LOXL4: variants seen among roughly 807,000 people sequenced by gnomAD.
The protein encoded by LOXL4 is lysyl oxidase homolog 4.
LOXL4 carries 72 observed loss-of-function variants against 89.1 expected under a neutral mutation model. The observed-to-expected ratio is 0.81, with a 90% confidence interval of 0.67 to 0.98. The LOEUF is 0.98. LOXL4 is among the 50% of genes least tolerant of loss of function. The pLI is 0.00. For missense variants in LOXL4, 984 were observed against 1,017.5 expected, an observed-to-expected ratio of 0.97 and a Z score of 0.45; for synonymous variants, 355 against 392.1, an observed-to-expected ratio of 0.91 and a Z score of 1.12.
At position 98,255,669 on chromosome 10, in the gene LOXL4, G is replaced by C; in HGVS notation, c.1499C>G (p.Thr500Arg). 2 of 1,613,888 alleles carry C rather than the reference G, an allele frequency of 1.2e-6. No individual in the cohort carries two copies. The highest frequency in any genetic ancestry group is 2.7e-5 in the African/African-American group (2 of 75,058). The change falls in exon 10 of 15, where the codon ACA becomes AGA. Residue 500 changes from threonine to arginine, a missense_variant. Thr to Arg is a moderately conservative substitution (Grantham distance 71). Coordinates refer to ENST00000260702, the MANE Select transcript of LOXL4 (RefSeq NM_032211.7). ...CTGGCACTGCTGCAGGGCCAGCTCT[G>C]TGCCTGAGCAGCGCACCCCACTCAT... ...VVMSGVRCSG[T>R]ELALQQCQRH...
rs1257734683 is a variant in LOXL4 at position 98,256,933 on chromosome 10, AC to A, written c.1274del (p.Gly425ValfsTer16). On this transcript the variant is annotated frameshift_variant, in exon 9 of 15. Transcript: ENST00000260702. LOFTEE classifies it high-confidence loss of function. ...ATAGCCCCTCCTCAGGGATACGCCC[AC>A]CAGCCAAGCGCACCTGCAATGGCGA... ...MGFQNQVRLAGGRIPEEGLLE... is the reference protein window; with the variant it reads ...MGFQNQVRLAXGRIPEEGLLE... 3.7e-6 allele frequency: 6 copies of A among 1,613,872 alleles called. No homozygotes were observed. The highest frequency in any genetic ancestry group is 5.1e-6 in the Non-Finnish European group (6 of 1,179,950).
chr10:98,250,765 A>C (rs372798227), intron 14 of LOXL4, among the ~76,000 whole-genome samples: 8 of 152,188 alleles, frequency 5.3e-5, no homozygotes, highest in Admixed American at 1.3e-4. Context: ...AAATCCTGAC[A>C]TGGCTTGAGG....
At chr10:98,258,885 A>G (rs1858456394) in intron 6 of LOXL4, 124 bp downstream of exon 6, 1 of 678,516 alleles carries the variant, frequency 1.5e-6, no homozygotes, top group African/African-American at 1.8e-5. Context: ...TCTGTGATTC[A>G]CTCTCCTCCT....
At chr10:98,259,782 C>T (rs1467945200) in intron 4 of LOXL4, among the ~76,000 whole-genome samples, 1 of 152,150 alleles carries the variant, frequency 6.6e-6, no homozygotes, top group Non-Finnish European at 1.5e-5. Context: ...GTGGGGGCGG[C>T]CCGCCCAGAG....
chr10:98,253,627 C>A lies in LOXL4; in HGVS notation c.1761G>T (p.Gln587His). ...GYRRLLRFST[Q>H]IYNLGRTDFR... ...AGTCAGTCCGGCCCAGATTGTAGAT[C>A]TGTGTGGAGAAGCGCAATAGGCGGC... Residue 587 changes from glutamine (Q) to histidine (H), a missense_variant, in exon 11 of 15, where the codon CAG (glutamine) becomes CAT (histidine). Coordinates refer to ENST00000260702, the MANE Select transcript of LOXL4 (RefSeq NM_032211.7). 1.9e-6 allele frequency: 3 copies of A among 1,614,264 alleles called. No individual in the cohort carries two copies. The highest frequency in any genetic ancestry group is 2.5e-6 in the Non-Finnish European group (3 of 1,180,050).
rs62621987 is a variant in LOXL4 at position 98,248,884 on chromosome 10, G to T, written c.*37C>A. ...TGGCTCCAATAAGCTGAGGTATCTG[G>T]TGTATCGGCAGCAGCTAGGAGTGTG... On this transcript the variant is annotated 3_prime_UTR_variant, in exon 15 of 15. Coordinates refer to ENST00000260702, the MANE Select transcript of LOXL4 (RefSeq NM_032211.7). The T allele has an allele frequency of 1.3e-5, 21 of 1,567,950 alleles. No individual in the cohort carries two copies. In the Admixed American group the frequency reaches 3.6e-4, roughly 27 times the overall value.
chr10:98,267,307 G>A (rs1018724262), intron 1 of LOXL4, among the ~76,000 whole-genome samples: 1 of 152,146 alleles, frequency 6.6e-6, no homozygotes, highest in Non-Finnish European at 1.5e-5. Flanking sequence ...CACTGGGCAG[G>A]GTGCTCTTCG....
intron 7 of LOXL4, 24 bp from the exon 8 acceptor site, chr10:98,257,828 G>A: frequency 6.2e-7 from 1 of 1,601,536 alleles, no homozygotes; most frequent in Non-Finnish European, 8.5e-7. Context: ...GAGGTGCTGT[G>A]TGCGAGGCTC....
intron 9 of LOXL4, 189 bp downstream of exon 9, chr10:98,256,591 C>T (rs1056612109): frequency 1.7e-5 from 11 of 634,300 alleles, no homozygotes; most frequent in Admixed American, 1.6e-4. Context: ...CCCTCATTGA[C>T]GATTTCATTA....
Position 98,262,225 on chromosome 10 carries a change from A to G in LOXL4, c.278-12T>C, listed in dbSNP as rs2135843528. 6.2e-7 allele frequency: 1 copy of G among 1,612,686 alleles called. No homozygotes were observed. On this transcript the variant is annotated splice_polypyrimidine_tract_variant and intron_variant, in intron 2 of 14. Coordinates refer to ENST00000260702, the MANE Select transcript of LOXL4 (RefSeq NM_032211.7). ...CAGCCAGATGGGTCCTGTGGAGTGGAGGTGATGCTCAAAGATGGCACAGAG... is the reference window on the plus strand; with the variant it reads ...CAGCCAGATGGGTCCTGTGGAGTGGGGGTGATGCTCAAAGATGGCACAGAG...
At chr10:98,263,888 G>A (rs765920649) in intron 1 of LOXL4, among the ~76,000 whole-genome samples, 7 of 151,706 alleles carry the variant, frequency 4.6e-5, no homozygotes, top group African/African-American at 1.7e-4. Flanking sequence ...CCACCACCAC[G>A]CCCAGCTAAT....
chr10:98,253,849 C>A (rs2082415393), intron 10 of LOXL4, 53 bp from the exon 11 acceptor site: 1 of 1,607,714 alleles, frequency 6.2e-7, no homozygotes, highest in East Asian at 2.2e-5. Flanking sequence ...GGCAGCCAGT[C>A]TTAGTCTCCA....
At chr10:98,260,366 C>G (rs980222030) in intron 4 of LOXL4, among the ~76,000 whole-genome samples, 2 of 151,992 alleles carry the variant, frequency 1.3e-5, no homozygotes, top group Non-Finnish European at 2.9e-5. Context: ...GAGGCCAGAA[C>G]AGTTTGTCTA....
At chr10:98,264,200 T>G (rs11189528) in intron 1 of LOXL4, among the ~76,000 whole-genome samples, 47,046 of 150,150 alleles carry the variant, frequency 0.31, 7,544 homozygotes, top group Non-Finnish European at 0.36. Context: ...ACACAGAAAT[T>G]AAGACATCGA....
At chr10:98,264,522 G>A (rs1029459457) in intron 1 of LOXL4, among the ~76,000 whole-genome samples, 5 of 151,696 alleles carry the variant, frequency 3.3e-5, no homozygotes, top group South Asian at 2.1e-4. Context: ...TGTAGGAAGC[G>A]AGGGGCCAGG....
Position 98,256,906 on chromosome 10 carries a change from C to T in LOXL4, c.1302G>A (p.Leu434=). 1 of 1,614,184 alleles carries T rather than the reference C, an allele frequency of 6.2e-7. No homozygotes were observed. Among genetic ancestry groups the T allele is most frequent in the South Asian group, 1.1e-5 (1 of 91,088 alleles). Reference sequence around the variant, plus strand: ...CCCCGTTCACCTCCACCTGCACCTCCAATAGCCCCTCCTCAGGGATACGCC... The same window carrying T: ...CCCCGTTCACCTCCACCTGCACCTCTAATAGCCCCTCCTCAGGGATACGCC... The part of the protein sequence containing the change: ...AGGRIPEEGL[L]EVQVEVNGVP... The change falls in exon 9 of 15, where the codon TTG becomes TTA. Residue 434 remains leucine, a synonymous_variant. Transcript: ENST00000260702.
chr10:98,265,371 CTATTATTATTATTATTAT>C lies in LOXL4; in HGVS notation c.-32-2338_-32-2321del, dbSNP rs148906358. 9.0e-3 allele frequency among the ~76,000 whole-genome samples: 1,074 copies of C among 118,790 alleles called. 124 individuals carry two copies. Among genetic ancestry groups the C allele is most frequent in the African/African-American group, 0.03 (968 of 32,424 alleles). The allele number at this position is 118,790 out of a possible 152,430, so 77.9% of individuals were successfully genotyped here. A position where few individuals can be genotyped will look rare whatever the true frequency, so the allele number is the denominator to read the frequency against. ...AGAGCAAGCCTTCAGTAACAATGAA[CTATTATTATTATTATTAT>C]TATTATTATTATTATTATTATTATT... On this transcript the variant is annotated intron_variant, in intron 1 of 14. Transcript: ENST00000260702.
rs1348304093 is a variant in LOXL4, at chr10:98,248,025, TCACTTCAGA to T, written c.*887_*895del. The T allele has an allele frequency of 6.6e-6, 1 of 152,266 alleles. No homozygotes were observed. Among genetic ancestry groups the T allele is most frequent in the East Asian group, 1.9e-4 (1 of 5,200 alleles). The allele number at this position is 152,266 out of a possible 1,614,324, so 9.4% of individuals were successfully genotyped here. A position where few individuals can be genotyped will look rare whatever the true frequency, so the allele number is the denominator to read the frequency against. On this transcript the variant is annotated 3_prime_UTR_variant, in exon 15 of 15. Transcript: ENST00000260702. Reference sequence around the variant, plus strand: ...GGCAAAAATTTATTCAATGCAAAGTTCACTTCAGACACTTGGTTGAGACTTGAAGTTTAG... The same window carrying T: ...GGCAAAAATTTATTCAATGCAAAGTTCACTTGGTTGAGACTTGAAGTTTAG...
At position 98,251,677 on chromosome 10, in the gene LOXL4, G is replaced by A. The variant is rs370827587; in HGVS notation, c.1977C>T (p.Ala659=). ...PTGLQRRYAC[A]NFGEQGVTVG... is the part of the protein sequence containing the mutation. ...CAGTCACTCCCTGTTCTCCAAAGTT[G>A]GCACATGCGTAGCGCCGCTGCAGTC... Residue 659 remains alanine (A), a synonymous_variant, in exon 13 of 15, where the codon GCC becomes GCT. Transcript: ENST00000260702. 1.3e-5 allele frequency: 21 copies of A among 1,614,076 alleles called. No homozygotes were observed. Among genetic ancestry groups the A allele is most frequent in the Non-Finnish European group, 1.7e-5 (20 of 1,180,038 alleles).
Sources: allele counts gnomAD v4.1 joint callset (sites outside exome capture counted in the v4.1 genomes callset), GRCh38; gene constraint gnomAD v4.1.1; transcripts MANE v1.5; gene names NCBI Gene and HGNC (gene_info 2026-07-23, HGNC 2026-07-21).